AFG1L: variants seen among roughly 807,000 people sequenced by gnomAD.
The protein encoded by AFG1L is AFG1 like ATPase.
Under a neutral mutation model 62.2 loss-of-function variants are expected in AFG1L, and 53 were observed. That is an observed-to-expected ratio of 0.85 (90% CI 0.68 to 1.07). AFG1L has a LOEUF of 1.07. Ranked by LOEUF, AFG1L falls within the 50% of genes least tolerant of loss-of-function variation. AFG1L has a pLI of 0.00. For missense variants in AFG1L, 555 were observed against 590.5 expected (o/e 0.94, Z 0.62); for synonymous variants, 228 against 210.3 (o/e 1.08, Z -0.73).
intron 10 of AFG1L, among the ~76,000 whole-genome samples, chr6:108,478,296 G>T (rs935777240): frequency 3.3e-5 from 5 of 152,358 alleles, no homozygotes; most frequent in Admixed American, 3.3e-4. Flanking sequence ...AATTAGCCGG[G>T]CGTTGTGGCG....
At chr6:108,380,954 T>C (rs1780482408) in intron 6 of AFG1L, among the ~76,000 whole-genome samples, 1 of 152,230 alleles carries the variant, frequency 6.6e-6, no homozygotes, top group African/African-American at 2.4e-5. Context: ...CCTCCGTGGG[T>C]TCTGGGATGT....
intron 6 of AFG1L, among the ~76,000 whole-genome samples, chr6:108,400,731 AATATATATT>A (rs1781545443): frequency 8.0e-6 from 1 of 125,372 alleles, no homozygotes; most frequent in Non-Finnish European, 1.6e-5. Context: ...TATTATATAT[AATATATATT>A]ATATATGATA....
At chr6:108,381,748 C>A (rs1780535292) in intron 6 of AFG1L, among the ~76,000 whole-genome samples, 1 of 152,140 alleles carries the variant, frequency 6.6e-6, no homozygotes, top group African/African-American at 2.4e-5. Context: ...TGGATGAAGA[C>A]TCTGACAACA....
intron 11 of AFG1L, among the ~76,000 whole-genome samples, chr6:108,511,188 G>A (rs1262333629): frequency 1.3e-5 from 2 of 151,714 alleles, no homozygotes; most frequent in Non-Finnish European, 2.9e-5. Flanking sequence ...AGGAAGAGAA[G>A]GAGAAGGAGG....
intron 10 of AFG1L, among the ~76,000 whole-genome samples, chr6:108,504,040 T>C (rs1311731167): frequency 6.6e-6 from 1 of 152,258 alleles, no homozygotes; most frequent in Non-Finnish European, 1.5e-5. Flanking sequence ...TAGGGAAGCA[T>C]TGTGGCTGGT....
At position 108,347,009 on chromosome 6, in the gene AFG1L, C is replaced by T. The variant is rs1277905266; in HGVS notation, c.385C>T (p.Pro129Ser). The T allele has an allele frequency of 6.2e-7, 1 of 1,613,276 alleles. No homozygotes were observed. Among genetic ancestry groups the T allele is most frequent in the Non-Finnish European group, 8.5e-7 (1 of 1,179,516 alleles). ...GCAGCTTTTTTCAAGGAGCAAACCT[C>T]CAAGGGGCCTGTATGTTTATGGAGA... ...FSKLFSRSKP[P>S]RGLYVYGDVG... The change falls in exon 3 of 13, where the codon CCA (proline) becomes TCA (serine). Residue 129 changes from proline to serine, a missense_variant. Pro to Ser is a moderately conservative substitution (Grantham distance 74). Transcript: ENST00000368977.
intron 10 of AFG1L, among the ~76,000 whole-genome samples, chr6:108,485,495 C>CAA (rs1204959345): frequency 6.6e-6 from 1 of 150,612 alleles, no homozygotes; most frequent in African/African-American, 2.5e-5. Context: ...TGTTTGTTTT[C>CAA]AGGTCACTTC....
intron 8 of AFG1L, among the ~76,000 whole-genome samples, chr6:108,474,491 A>T (rs898473437): frequency 6.6e-6 from 1 of 152,224 alleles, no homozygotes; most frequent in Non-Finnish European, 1.5e-5. Flanking sequence ...GCTAATTTAC[A>T]TTCCCACCAA....
rs181496716 is a variant in AFG1L at position 108,364,123 on chromosome 6, G to A, written c.649-2110G>A. Among the ~76,000 whole-genome samples, 198 of 152,250 alleles carry A rather than the reference G, an allele frequency of 1.3e-3. 2 individuals are homozygous for A. The highest frequency in any genetic ancestry group is 4.7e-3 in the African/African-American group (195 of 41,534). ...ATCTGTAGCCTTCTCTTTTGTTCGT[G>A]GTGGTAATGAAATGCTGGGTACTGA... On this transcript the variant is annotated intron_variant, in intron 5 of 12. Coordinates refer to ENST00000368977, the MANE Select transcript of AFG1L (RefSeq NM_145315.5).
At chr6:108,458,254 A>G (rs1772325487) in intron 8 of AFG1L, among the ~76,000 whole-genome samples, 1 of 151,780 alleles carries the variant, frequency 6.6e-6, no homozygotes, top group Admixed American at 6.6e-5. Flanking sequence ...CCTCCTCTTC[A>G]ATTTCTGGGA....
At chr6:108,473,552 T>A (rs1772986277) in intron 8 of AFG1L, among the ~76,000 whole-genome samples, 1 of 151,886 alleles carries the variant, frequency 6.6e-6, no homozygotes, top group Non-Finnish European at 1.5e-5. Flanking sequence ...CAGCTCACTT[T>A]TTTAAAATTT....
chr6:108,487,430 CCA>C (rs1773614349), intron 10 of AFG1L, among the ~76,000 whole-genome samples: 1 of 152,256 alleles, frequency 6.6e-6, no homozygotes, highest in African/African-American at 2.4e-5. Context: ...GATCACTTAA[CCA>C]CTTCACCATT....
chr6:108,427,472 T>A (rs1213083767), intron 7 of AFG1L, among the ~76,000 whole-genome samples: 1 of 151,914 alleles, frequency 6.6e-6, no homozygotes, highest in Non-Finnish European at 1.5e-5. Context: ...GTGTTTTTAG[T>A]GCATACGAGC....
At chr6:108,429,889 G>C in intron 7 of AFG1L, among the ~76,000 whole-genome samples, 1 of 151,798 alleles carries the variant, frequency 6.6e-6, no homozygotes, top group African/African-American at 2.4e-5. Flanking sequence ...TCACAATATA[G>C]ATTCTTCCAA....
intron 11 of AFG1L, among the ~76,000 whole-genome samples, chr6:108,517,782 A>T (rs1774961784): frequency 6.6e-6 from 1 of 152,254 alleles, no homozygotes. Flanking sequence ...TCCAGAATCT[A>T]CAATGAACTC....
At chr6:108,423,646 G>A (rs1217297204) in intron 7 of AFG1L, among the ~76,000 whole-genome samples, 1 of 151,938 alleles carries the variant, frequency 6.6e-6, no homozygotes, top group African/African-American at 2.4e-5. Flanking sequence ...GTATATATAG[G>A]TTATTGGGAC....
chr6:108,446,585 A>G (rs6920329), intron 7 of AFG1L, among the ~76,000 whole-genome samples: 3,367 of 148,612 alleles, frequency 0.023, 78 homozygotes, highest in South Asian at 0.085. Flanking sequence ...GCTCATTGCA[A>G]CCTCCACCTC....
At chr6:108,346,798 T>TA (rs1376315993) in intron 2 of AFG1L, among the ~76,000 whole-genome samples, 190 bp from the exon 3 acceptor site, 1 of 152,246 alleles carries the variant, frequency 6.6e-6, no homozygotes, top group African/African-American at 2.4e-5. Flanking sequence ...ATGTATACGT[T>TA]AGAGTTTTTT....
chr6:108,494,178 C>T (rs909842486), intron 10 of AFG1L, among the ~76,000 whole-genome samples: 49 of 152,048 alleles, frequency 3.2e-4, no homozygotes, highest in African/African-American at 1.2e-3. Context: ...CCCCGCTCCC[C>T]CTGCTCCCCT....
Sources: gnomAD v4.1 joint callset for allele counts (sites outside exome capture counted in the v4.1 genomes callset) on GRCh38, gnomAD v4.1.1 for gene constraint, MANE v1.5 for transcripts, NCBI Gene and HGNC (gene_info 2026-07-23, HGNC 2026-07-21) for gene names.